Variants in DECR2 observed in about 807,000 individuals in gnomAD.
DECR2 encodes 2,4-dienoyl-CoA reductase 2, also known as peroxisomal 2,4-dienoyl-CoA reductase [(3E)-enoyl-CoA-producing].
DECR2 carries 34 observed loss-of-function variants against 29.2 expected under a neutral mutation model. The observed-to-expected ratio is 1.16, with a 90% CI of 0.89 to 1.55. DECR2 has a LOEUF of 1.55. Among genes scored for constraint, DECR2 ranks in the 40% most tolerant of loss-of-function variants. The pLI, the probability that DECR2 is intolerant of heterozygous loss-of-function variation, is 0.00. For missense variants in DECR2, 485 were observed against 425.3 expected, an observed-to-expected ratio of 1.14 and a Z score of -1.23; for synonymous variants, 224 against 182.7, an observed-to-expected ratio of 1.23 and a Z score of -1.82.
chr16:405,930 A>C (rs1366763819), intron 2 of DECR2, among the ~76,000 whole-genome samples: 1 of 152,222 alleles, frequency 6.6e-6, no homozygotes. Context: ...ATAGAGGCCA[A>C]CGTGGTGGAT....
chr16:403,720 G>C (rs918157875), intron 1 of DECR2, among the ~76,000 whole-genome samples: 1 of 152,178 alleles, frequency 6.6e-6, no homozygotes, highest in Non-Finnish European at 1.5e-5. Context: ...AGAAAAACTA[G>C]ATGAAAAATT....
At chr16:402,147 T>A in intron 1 of DECR2, 104 bp downstream of exon 1, 1 of 895,846 alleles carries the variant, frequency 1.1e-6, no homozygotes, top group Non-Finnish European at 1.5e-6. Context: ...AGGAAACCTG[T>A]CTTGCCTGGC....
At chr16:409,567 C>A (rs958958170) in intron 4 of DECR2, 4 of 152,142 alleles carry the variant, frequency 2.6e-5, no homozygotes, top group South Asian at 2.1e-4. Context: ...TAACATCTTG[C>A]GTTTGTTACA....
intron 7 of DECR2, 51 bp downstream of exon 7, chr16:411,127 A>C: frequency 7.0e-7 from 1 of 1,433,170 alleles, no homozygotes; most frequent in Non-Finnish European, 9.2e-7. Flanking sequence ...CCTGGGGCAC[A>C]GGGTGCCCAT....
chr16:405,019 C>G lies in DECR2; in HGVS notation c.144C>G (p.Phe48Leu). ...TTGGGTTCCGGATTGCTGAGATTTT[C>G]ATGCGGTGAGACTGCTCTGTGTCCC... Reference protein sequence around the residue: ...SGIGFRIAEIFMRHGCHTVIA... With the variant: ...SGIGFRIAEILMRHGCHTVIA... The change falls in exon 2 of 9, where the codon TTC becomes TTG. Residue 48 changes from phenylalanine (F) to leucine (L), a missense_variant. Transcript: ENST00000219481. 1 of 1,614,126 alleles carries G rather than the reference C, an allele frequency of 6.2e-7. No homozygotes were observed. The highest frequency in any genetic ancestry group is 8.5e-7 in the Non-Finnish European group (1 of 1,179,988).
At chr16:411,740 G>A (rs1455475977) in intron 8 of DECR2, 150 bp from the exon 9 acceptor site, 5 of 697,264 alleles carry the variant, frequency 7.2e-6, no homozygotes, top group Non-Finnish European at 1.1e-5. Flanking sequence ...CAGTGGGGCT[G>A]AGCAGGAGGC....
rs1022762248 is a variant in DECR2, at chr16:405,979, C to G, written c.150-367C>G. Among the ~76,000 whole-genome samples, 9 of 152,202 alleles carry G rather than the reference C, an allele frequency of 5.9e-5. 1 individual carries two copies. The highest frequency in any genetic ancestry group is 5.2e-4 in the Admixed American group (8 of 15,284). On this transcript the variant is annotated intron_variant, in intron 2 of 8. Transcript: ENST00000219481. ...GTCAGGAAGGGGAGCAGGGAGCACCCCGCTTCAGAACAGTCCTCCACGCCA... is the reference window on the plus strand; with the variant it reads ...GTCAGGAAGGGGAGCAGGGAGCACCGCGCTTCAGAACAGTCCTCCACGCCA...
intron 4 of DECR2, among the ~76,000 whole-genome samples, chr16:407,808 G>A (rs1157311529): frequency 1.4e-5 from 2 of 140,338 alleles, no homozygotes; most frequent in Non-Finnish European, 3.1e-5. Context: ...TCTGTCTCCG[G>A]GCCTCTGTCT....
At chr16:405,108 G>A in intron 2 of DECR2, 84 bp downstream of exon 2, 2 of 1,536,026 alleles carry the variant, frequency 1.3e-6, no homozygotes, top group Non-Finnish European at 1.8e-6. Context: ...GAAAGATGTT[G>A]GTGGGAGGTA....
chr16:405,708 G>A (rs1294372191), intron 2 of DECR2: 1 of 888,746 alleles, frequency 1.1e-6, no homozygotes, highest in Non-Finnish European at 1.6e-6. Context: ...GTAGTCTTGG[G>A]TGGCTGTGAG....
chr16:408,343 C>A (rs2054768473), intron 4 of DECR2, among the ~76,000 whole-genome samples: 1 of 151,986 alleles, frequency 6.6e-6, no homozygotes, highest in African/African-American at 2.4e-5. Context: ...CCCTCTGTCT[C>A]CAGGCCTTTG....
At chr16:405,857 T>C (rs117498038) in intron 2 of DECR2, among the ~76,000 whole-genome samples, 1,841 of 152,316 alleles carry the variant, frequency 0.012, 19 homozygotes, top group Non-Finnish European at 0.017. Flanking sequence ...GACTTCTTTG[T>C]GCTCTTTCGC....
chr16:405,185 G>C (rs2054710463), intron 2 of DECR2, 161 bp downstream of exon 2: 1 of 832,238 alleles, frequency 1.2e-6, no homozygotes, highest in African/African-American at 1.7e-5. Flanking sequence ...AGCGGTCGAG[G>C]ATTGCCCTGG....
chr16:404,526 C>T (rs914719438), intron 1 of DECR2, among the ~76,000 whole-genome samples: 1 of 152,092 alleles, frequency 6.6e-6, no homozygotes. Flanking sequence ...AGGTGTGAGC[C>T]AAGGCACCTG....
At position 405,000 on chromosome 16, in the gene DECR2, T is replaced by G; in HGVS notation, c.125T>G (p.Phe42Cys). ...ACAGGAGGCGGCTCTGGGATTGGGT[T>G]CCGGATTGCTGAGATTTTCATGCGG... The part of the protein sequence containing the change: ...FITGGGSGIG[F>C]RIAEIFMRHG... Residue 42 changes from phenylalanine (F) to cysteine (C), a missense_variant, in exon 2 of 9, where the codon TTC becomes TGC. Phe to Cys is a radical substitution (Grantham distance 205, BLOSUM62 -2). Coordinates refer to ENST00000219481, the MANE Select transcript of DECR2 (RefSeq NM_020664.4). 1 of 1,614,094 alleles carries G rather than the reference T, an allele frequency of 6.2e-7. No homozygotes were observed. The highest frequency in any genetic ancestry group is 8.5e-7 in the Non-Finnish European group (1 of 1,179,960).
chr16:410,833 G>C lies in DECR2; in HGVS notation c.556+49G>C, dbSNP rs748761351. 1 of 1,537,810 alleles carries C rather than the reference G, an allele frequency of 6.5e-7. No individual in the cohort carries two copies. Among genetic ancestry groups the C allele is most frequent in the South Asian group, 1.2e-5 (1 of 83,854 alleles). On this transcript the variant is annotated intron_variant, in intron 6 of 8. Coordinates refer to ENST00000219481, the MANE Select transcript of DECR2 (RefSeq NM_020664.4). The surrounding 1 kb of genome is among the most constrained non-coding windows in gnomAD (Gnocchi z 4.1). ...GGTTTGCCCACGTGGGTCCCCAATGGGCCGTCTGCTTCCATCCCAGGAGGC... is the reference window on the plus strand; with the variant it reads ...GGTTTGCCCACGTGGGTCCCCAATGCGCCGTCTGCTTCCATCCCAGGAGGC...
rs925522123 is a variant in DECR2 at position 406,616 on chromosome 16, G to T, written c.201+219G>T. 1.9e-5 allele frequency: 12 copies of T among 641,780 alleles called. No individual in the cohort carries two copies. In the Admixed American group the frequency reaches 3.1e-4, roughly 17 times the overall value. The allele number at this position is 641,780 out of a possible 1,614,324, so 39.8% of individuals were successfully genotyped here. ...AGGATCAAGCGATTCTCCTGCCTCA[G>T]CCTCCGGAGTAGCTGGGACTACAGG... On this transcript the variant is annotated intron_variant, in intron 3 of 8. Coordinates refer to ENST00000219481, the MANE Select transcript of DECR2 (RefSeq NM_020664.4).
intron 4 of DECR2, 86 bp downstream of exon 4, chr16:407,646 G>T: frequency 6.4e-7 from 1 of 1,555,450 alleles, no homozygotes; most frequent in Admixed American, 1.8e-5. Context: ...ATGGGGTGGG[G>T]ACCATGCCAG....
At chr16:402,817 C>T (rs1394384992) in intron 1 of DECR2, 1 of 153,970 alleles carries the variant, frequency 6.5e-6, no homozygotes, top group Non-Finnish European at 1.4e-5. Flanking sequence ...AACCCCGTCT[C>T]TGCTAAAAAT....
Sources: gnomAD v4.1 joint callset for allele counts (sites outside exome capture counted in the v4.1 genomes callset) on GRCh38, gnomAD v4.1.1 for gene constraint, Gnocchi (gnomAD v3.1) non-coding constraint, MANE v1.5 for transcripts, NCBI Gene and HGNC (gene_info 2026-07-23, HGNC 2026-07-21) for gene names.